Variants in F11R observed in about 807,000 individuals in gnomAD.
F11R encodes the protein junctional adhesion molecule A.
In F11R, 27 loss-of-function variants were observed where a neutral mutation model predicts 39.3. The ratio of observed to expected loss-of-function variants is 0.69; its 90% CI spans 0.51 to 0.95. The LOEUF (loss-of-function observed/expected upper bound fraction) is 0.95. Ranked by LOEUF, F11R falls within the 40% of genes least tolerant of loss-of-function variation. F11R has a pLI of 0.00. For missense variants in F11R, 335 were observed against 372.7 expected, an observed-to-expected ratio of 0.90 and a Z score of 0.83; for synonymous variants, 131 against 144.9, an observed-to-expected ratio of 0.90 and a Z score of 0.69.
At position 160,997,389 on chromosome 1, in the gene F11R, G is replaced by A. The variant is rs1334430877; in HGVS notation, c.*1482C>T. ...TGTTAATGCACCTGGCTGAACAGGA[G>A]GTACAAGAGTAAGTACCTTCTCTCA... On this transcript the variant is annotated 3_prime_UTR_variant, in exon 10 of 10. Transcript: ENST00000368026. 3 of 152,358 alleles carry A rather than the reference G, an allele frequency of 2.0e-5. No homozygotes were observed. The highest frequency in any genetic ancestry group is 4.4e-5 in the Non-Finnish European group (3 of 68,064). The allele number at this position is 152,358 out of a possible 1,614,324, so 9.4% of individuals were successfully genotyped here. A position where few individuals can be genotyped will look rare whatever the true frequency, so the allele number is the denominator to read the frequency against.
At chr1:161,020,872 G>A (rs1161332715) in intron 1 of F11R, 138 bp downstream of exon 1, 2 of 776,546 alleles carry the variant, frequency 2.6e-6, no homozygotes, top group African/African-American at 1.7e-5. Context: ...GACCAGCCAG[G>A]GGTGGAAAAG....
chr1:160,999,543 C>T, intron 7 of F11R, 97 bp downstream of exon 7: 11 of 1,504,304 alleles, frequency 7.3e-6, no homozygotes, highest in South Asian at 1.1e-5. Flanking sequence ...CACCCACACA[C>T]ATGAGCACAG....
intron 1 of F11R, 58 bp downstream of exon 1, chr1:161,020,952 G>T: frequency 6.6e-7 from 1 of 1,508,596 alleles, no homozygotes; most frequent in Non-Finnish European, 9.2e-7. Context: ...CGTGGGGAGA[G>T]CCTTCCTCCA....
chr1:160,998,380 G>A lies in F11R; in HGVS notation c.*491C>T. On this transcript the variant is annotated 3_prime_UTR_variant, in exon 10 of 10. Coordinates refer to ENST00000368026, the MANE Select transcript of F11R (RefSeq NM_016946.6). ...AGAGAGTGGGCCCCAGAGATGGAAG[G>A]ACCCCAGTGTCATCACCAAACAACC... 1 of 177,202 alleles carries A rather than the reference G, an allele frequency of 5.6e-6. No individual in the cohort carries two copies. The highest frequency in any genetic ancestry group is 1.2e-5 in the Non-Finnish European group (1 of 83,006). The allele number at this position is 177,202 out of a possible 1,614,324, so 11.0% of individuals were successfully genotyped here.
intron 1 of F11R, 67 bp from the exon 2 acceptor site, chr1:161,001,420 C>G: frequency 7.2e-7 from 1 of 1,390,324 alleles, no homozygotes; most frequent in Non-Finnish European, 1.0e-6. Flanking sequence ...GAAGGAGTCA[C>G]AGACCCAGTG....
intron 7 of F11R, 74 bp downstream of exon 7, chr1:160,999,566 T>A: frequency 6.6e-7 from 1 of 1,505,510 alleles, no homozygotes; most frequent in Non-Finnish European, 9.2e-7. Context: ...TCAGGGTCAG[T>A]ACTCAGATGA....
Position 160,998,705 on chromosome 1 carries a change from TG to T in F11R, c.*165del. The T allele has an allele frequency of 1.5e-6, 1 of 654,558 alleles. No homozygotes were observed. Among genetic ancestry groups the T allele is most frequent in the Non-Finnish European group, 2.7e-6 (1 of 367,058 alleles). 40.5% of individuals were successfully genotyped at this position (654,558 alleles called of 1,614,324 possible). On this transcript the variant is annotated 3_prime_UTR_variant, in exon 10 of 10. Coordinates refer to ENST00000368026, the MANE Select transcript of F11R (RefSeq NM_016946.6). ...AAGGGAGGGAGGGCATGAAGGAGGA[TG>T]GGGCACATAGCTGACATTATTAAAA...
intron 1 of F11R, among the ~76,000 whole-genome samples, chr1:161,009,736 T>C (rs1649024292): frequency 6.6e-6 from 1 of 151,496 alleles, no homozygotes; most frequent in Non-Finnish European, 1.5e-5. Flanking sequence ...GGGAGGCCGA[T>C]GTGGGTGGAT....
chr1:161,018,057 C>T (rs2251597), intron 1 of F11R, among the ~76,000 whole-genome samples: 1 of 152,116 alleles, frequency 6.6e-6, no homozygotes, highest in Non-Finnish European at 1.5e-5. Context: ...CCTATCCACA[C>T]TCACCTCTAC....
In F11R at chr1:160,999,915, C is replaced by A. The variant is rs780826713; in HGVS notation, c.655G>T (p.Gly219Trp). 1 of 1,614,216 alleles carries A rather than the reference C, an allele frequency of 6.2e-7. No individual in the cohort carries two copies. The highest frequency in any genetic ancestry group is 1.7e-5 in the Admixed American group (1 of 60,020). The change falls in exon 6 of 10, where the codon GGG becomes TGG. Residue 219 changes from glycine to tryptophan, a missense_variant. Physicochemically the swap from Gly to Trp is radical, Grantham distance 184 (BLOSUM62 -2). Coordinates refer to ENST00000368026, the MANE Select transcript of F11R (RefSeq NM_016946.6). Reference protein sequence around the residue: ...EYSCEARNGYGTPMTSNAVRM... With the variant: ...EYSCEARNGYWTPMTSNAVRM... ...ACAGCATTTGAAGTCATGGGTGTCC[C>A]ATACCCATTCCGTGCCTCACAGCTG...
Position 160,997,373 on chromosome 1 carries a change from AC to A in F11R, c.*1497del, listed in dbSNP as rs1648187557. On this transcript the variant is annotated 3_prime_UTR_variant, in exon 10 of 10. Transcript: ENST00000368026. ...CAGCTGTAGGGAGGTCTGTTAATGCACCTGGCTGAACAGGAGGTACAAGAGT... is the reference window on the plus strand; with the variant it reads ...CAGCTGTAGGGAGGTCTGTTAATGCACTGGCTGAACAGGAGGTACAAGAGT... 6.6e-6 allele frequency: 1 copy of A among 152,342 alleles called. No individual in the cohort carries two copies. The highest frequency in any genetic ancestry group is 1.5e-5 in the Non-Finnish European group (1 of 68,066). The allele number at this position is 152,342 out of a possible 1,614,324, so 9.4% of individuals were successfully genotyped here. A position where few individuals can be genotyped will look rare whatever the true frequency, so the allele number is the denominator to read the frequency against.
chr1:161,006,548 T>C (rs1416555043), intron 1 of F11R, among the ~76,000 whole-genome samples: 2 of 152,206 alleles, frequency 1.3e-5, no homozygotes, highest in African/African-American at 4.8e-5. Context: ...TACAAACACG[T>C]TGGGCTACAG....
intron 2 of F11R, 76 bp downstream of exon 2, chr1:161,001,209 G>C (rs1377345689): frequency 3.1e-6 from 5 of 1,594,784 alleles, no homozygotes; most frequent in East Asian, 2.2e-5. Context: ...CTGCAGGCTG[G>C]GCTGGGTGCT....
chr1:161,015,171 C>A (rs1257042875), intron 1 of F11R, among the ~76,000 whole-genome samples: 13 of 151,530 alleles, frequency 8.6e-5, no homozygotes, highest in South Asian at 4.2e-4. Flanking sequence ...CCGAGGCAGG[C>A]AGATCACGAG....
In F11R at chr1:161,007,593, T is replaced by C. The variant is rs115789078; in HGVS notation, c.65-6240A>G. On this transcript the variant is annotated intron_variant, in intron 1 of 9. Coordinates refer to ENST00000368026, the MANE Select transcript of F11R (RefSeq NM_016946.6). Reference sequence around the variant, plus strand: ...AATGGGGATAATAACAGTTTCTACATCAAAGGGCTGTTCTGAAGGCTAAAC... The same window carrying C: ...AATGGGGATAATAACAGTTTCTACACCAAAGGGCTGTTCTGAAGGCTAAAC... 5.2e-3 allele frequency among the ~76,000 whole-genome samples: 788 copies of C among 152,278 alleles called. 9 individuals are homozygous for C. Among genetic ancestry groups the C allele is most frequent in the Non-Finnish European group, 9.0e-3 (611 of 68,024 alleles).
At chr1:161,019,909 A>G (rs1649661197) in intron 1 of F11R, among the ~76,000 whole-genome samples, 1 of 152,178 alleles carries the variant, frequency 6.6e-6, no homozygotes, top group African/African-American at 2.4e-5. Flanking sequence ...ATGTTGTGAT[A>G]AGGTAGAAAT....
chr1:161,019,611 A>AT, intron 1 of F11R, among the ~76,000 whole-genome samples: 1 of 152,052 alleles, frequency 6.6e-6, no homozygotes, highest in South Asian at 2.1e-4. Flanking sequence ...AAAAAAAAAA[A>AT]AGAGGGAGAC....
At chr1:161,000,402 C>T in intron 4 of F11R, 54 bp from the exon 5 acceptor site, 1 of 1,565,832 alleles carries the variant, frequency 6.4e-7, no homozygotes, top group Non-Finnish European at 8.8e-7. Flanking sequence ...CTGCTTGAGT[C>T]TAAGTAACCA....
At position 161,000,304 on chromosome 1, in the gene F11R, T is replaced by A; in HGVS notation, c.433A>T (p.Ile145Phe). Residue 145 changes from isoleucine (I) to phenylalanine (F), a missense_variant, in exon 5 of 10, where the codon ATT becomes TTT. Coordinates refer to ENST00000368026, the MANE Select transcript of F11R (RefSeq NM_016946.6). ...CATGTCAGCACTGCCCGGTTCCCAA[T>A]GGTGGCAGAGGAGGGGATGTTAACT... ...PTVNIPSSATIGNRAVLTCSE... is the reference protein window; with the variant it reads ...PTVNIPSSATFGNRAVLTCSE... The A allele has an allele frequency of 6.2e-7, 1 of 1,614,130 alleles. No homozygotes were observed.
Sources: gnomAD v4.1 joint callset for allele counts (sites outside exome capture counted in the v4.1 genomes callset) on GRCh38, gnomAD v4.1.1 for gene constraint, MANE v1.5 for transcripts, NCBI Gene and HGNC (gene_info 2026-07-23, HGNC 2026-07-21) for gene names.